The following KCNIP4 variants were observed in gnomAD, a reference collection of about 807,000 sequenced individuals.
KCNIP4 encodes Kv channel-interacting protein 4.
A neutral mutation model predicts 34.0 loss-of-function variants in KCNIP4; 12 were observed. That is an observed-to-expected ratio of 0.35 (90% confidence interval 0.23 to 0.57). The LOEUF (loss-of-function observed/expected upper bound fraction) is 0.57. Among genes scored for constraint, KCNIP4 ranks in the 20% least tolerant of loss-of-function variants. KCNIP4 has a pLI of 0.83. For synonymous variants in KCNIP4, 124 were observed against 102.2 expected (o/e 1.21, Z -1.29); for missense variants, 238 against 311.7 (o/e 0.76, Z 1.78).
chr4:21,552,013 T>C lies in KCNIP4; in HGVS notation c.61+396558A>G, dbSNP rs1277331983. Among the ~76,000 whole-genome samples the C allele has an allele frequency of 6.1e-5, 9 of 146,848 alleles. No homozygotes were observed. The Admixed American group carries it at 6.2e-4, about 10-fold the overall frequency. The stretch of plus-strand genomic sequence containing the variant: ...GTTATATCTAGGTTATTGTGAAGAT[T>C]GAAAAAACAAGGGAGAGCTTTTTTT... On this transcript the variant is annotated intron_variant, in intron 1 of 8. Transcript: ENST00000382152.
intron 1 of KCNIP4, among the ~76,000 whole-genome samples, chr4:21,658,113 T>C (rs991906270): frequency 1.3e-5 from 2 of 152,132 alleles, no homozygotes; most frequent in Non-Finnish European, 2.9e-5. Flanking sequence ...GCTGCGATTA[T>C]AGGCGTGAGC....
intron 1 of KCNIP4, among the ~76,000 whole-genome samples, chr4:21,064,446 A>G (rs997431551): frequency 2.6e-5 from 4 of 152,096 alleles, no homozygotes; most frequent in Admixed American, 2.0e-4. Context: ...TGTCATAACA[A>G]TTAATAGTAT....
At chr4:20,824,172 C>A (rs1190803126) in intron 3 of KCNIP4, among the ~76,000 whole-genome samples, 2 of 152,150 alleles carry the variant, frequency 1.3e-5, no homozygotes, top group Non-Finnish European at 2.9e-5. Context: ...AAGTGTCTAG[C>A]ACAAAGACAG....
At chr4:20,787,516 G>A (rs1712167994) in intron 3 of KCNIP4, among the ~76,000 whole-genome samples, 1 of 151,958 alleles carries the variant, frequency 6.6e-6, no homozygotes, top group Non-Finnish European at 1.5e-5. Flanking sequence ...ATTAAAAAGT[G>A]CTCAATGAAC....
chr4:21,422,911 G>A (rs760229920), intron 1 of KCNIP4, among the ~76,000 whole-genome samples: 32 of 152,134 alleles, frequency 2.1e-4, no homozygotes, highest in African/African-American at 7.5e-4. Context: ...AAGATACTAC[G>A]AGTTAAGATG....
intron 1 of KCNIP4, among the ~76,000 whole-genome samples, chr4:21,657,355 G>A (rs902185149): frequency 6.6e-6 from 1 of 152,104 alleles, no homozygotes; most frequent in Admixed American, 6.5e-5. Context: ...TATAGATCAT[G>A]TGTCTGATAG....
intron 1 of KCNIP4, among the ~76,000 whole-genome samples, chr4:21,096,421 A>G (rs962990803): frequency 6.6e-6 from 1 of 152,206 alleles, no homozygotes. Flanking sequence ...ATTTCTAAAC[A>G]TAACCTAATT....
intron 1 of KCNIP4, among the ~76,000 whole-genome samples, chr4:21,047,517 C>A (rs143171972): frequency 1.2e-3 from 178 of 152,266 alleles, no homozygotes; most frequent in African/African-American, 4.2e-3. Flanking sequence ...AATGGAGTCA[C>A]AGAGACTTGA....
In KCNIP4 at chr4:21,082,529, C is replaced by A. The variant is rs151062105; in HGVS notation, c.62-199820G>T. On this transcript the variant is annotated intron_variant, in intron 1 of 8. Coordinates refer to ENST00000382152, the MANE Select transcript of KCNIP4 (RefSeq NM_025221.6). ...TTCCCAACAATTTGCTTTATTACAG[C>A]AATATAACAGACATCTGCCTTAAAG... Among the ~76,000 whole-genome samples the A allele has an allele frequency of 8.5e-4, 129 of 151,696 alleles. 2 individuals are homozygous for A. In the South Asian group the frequency reaches 0.01, roughly 12 times the overall value.
intron 1 of KCNIP4, among the ~76,000 whole-genome samples, chr4:20,943,732 T>C (rs1257088363): frequency 1.3e-5 from 2 of 152,090 alleles, no homozygotes; most frequent in African/African-American, 4.8e-5. Flanking sequence ...GCAGGACCAA[T>C]GAGAAACAGT....
At chr4:21,240,421 A>G (rs1391772284) in intron 1 of KCNIP4, among the ~76,000 whole-genome samples, 1 of 152,128 alleles carries the variant, frequency 6.6e-6, no homozygotes, top group Non-Finnish European at 1.5e-5. Context: ...TGTAGAAGAC[A>G]GGAGGATTCC....
intron 2 of KCNIP4, among the ~76,000 whole-genome samples, chr4:20,858,728 T>A (rs996560081): frequency 6.6e-6 from 1 of 152,198 alleles, no homozygotes; most frequent in Admixed American, 6.5e-5. Context: ...CTGGGAATGT[T>A]AATAGCAACC....
intron 1 of KCNIP4, among the ~76,000 whole-genome samples, chr4:21,702,610 T>TA (rs1712947539): frequency 6.6e-6 from 1 of 152,116 alleles, no homozygotes; most frequent in Non-Finnish European, 1.5e-5. Context: ...TTACAATTTA[T>TA]AAAATTTTCC....
chr4:20,741,034 T>C (rs566391348), intron 5 of KCNIP4, among the ~76,000 whole-genome samples: 1 of 152,182 alleles, frequency 6.6e-6, no homozygotes, highest in Non-Finnish European at 1.5e-5. Flanking sequence ...ATCCTAAATA[T>C]ATATGCACCA....
chr4:20,986,828 T>C (rs957797652), intron 1 of KCNIP4, among the ~76,000 whole-genome samples: 1 of 152,210 alleles, frequency 6.6e-6, no homozygotes, highest in African/African-American at 2.4e-5. Flanking sequence ...TGGTTTCAGA[T>C]AGAATTTCCC....
chr4:21,478,645 T>C (rs1035028533), intron 1 of KCNIP4, among the ~76,000 whole-genome samples: 3 of 152,150 alleles, frequency 2.0e-5, no homozygotes, highest in African/African-American at 7.2e-5. Context: ...TGATTGACCT[T>C]GGTTTTGATA....
intron 1 of KCNIP4, among the ~76,000 whole-genome samples, chr4:21,562,762 G>T (rs1332152442): frequency 6.6e-6 from 1 of 151,862 alleles, no homozygotes; most frequent in East Asian, 1.9e-4. Flanking sequence ...TTGTCCACAC[G>T]CAGGGATTTA....
chr4:21,033,375 A>C (rs1482369874), intron 1 of KCNIP4, among the ~76,000 whole-genome samples: 1 of 152,190 alleles, frequency 6.6e-6, no homozygotes, highest in Non-Finnish European at 1.5e-5. Context: ...TAGAATTTTG[A>C]CCATCATTAA....
chr4:20,979,136 G>A (rs1003156576), intron 1 of KCNIP4, among the ~76,000 whole-genome samples: 6 of 152,048 alleles, frequency 3.9e-5, no homozygotes, highest in Non-Finnish European at 5.9e-5. Context: ...TGATCTCTGC[G>A]TACTCCACAT....
Sources: gnomAD v4.1 joint callset for allele counts (sites outside exome capture counted in the v4.1 genomes callset) on GRCh38, gnomAD v4.1.1 for gene constraint, MANE v1.5 for transcripts, NCBI Gene and HGNC (gene_info 2026-07-23, HGNC 2026-07-21) for gene names.